Variants in UNC93A observed in about 807,000 individuals in gnomAD.
The protein encoded by UNC93A is N-acetylglucosamine transporter UNC93A.
A neutral mutation model predicts 47.5 loss-of-function variants in UNC93A; 43 were observed. That is an observed-to-expected ratio of 0.91 (90% CI 0.71 to 1.17). The LOEUF is 1.17. UNC93A is among the 50% of genes most tolerant of loss of function. UNC93A has a pLI of 0.00. For missense variants in UNC93A, 605 were observed against 577.6 expected, an observed-to-expected ratio of 1.05 and a Z score of -0.49; for synonymous variants, 280 against 258.0, an observed-to-expected ratio of 1.09 and a Z score of -0.82.
At chr6:167,304,264 C>T in intron 5 of UNC93A, 131 bp downstream of exon 5, 1 of 943,640 alleles carries the variant, frequency 1.1e-6, no homozygotes, top group Non-Finnish European at 1.6e-6. Context: ...GAGCGGGGTC[C>T]TATGCTCCCA....
At chr6:167,280,164 T>A (rs947451317) in intron 1 of UNC93A, among the ~76,000 whole-genome samples, 3 of 152,132 alleles carry the variant, frequency 2.0e-5, no homozygotes, top group African/African-American at 4.8e-5. Context: ...ACTGTACATT[T>A]GATACTCAAA....
intron 1 of UNC93A, among the ~76,000 whole-genome samples, chr6:167,277,613 G>GTC (rs1166500259): frequency 2.6e-5 from 4 of 151,790 alleles, no homozygotes; most frequent in Admixed American, 6.6e-5. Flanking sequence ...GGCTATCTCT[G>GTC]TCTCTCTCTC....
intron 7 of UNC93A, 119 bp from the exon 8 acceptor site, chr6:167,315,068 A>C (rs1778654320): frequency 1.4e-6 from 2 of 1,447,446 alleles, no homozygotes; most frequent in Non-Finnish European, 1.9e-6. Context: ...TGTTGTGAAA[A>C]AAGAAAAATG....
chr6:167,279,090 C>A (rs1583060585), intron 1 of UNC93A, among the ~76,000 whole-genome samples: 1 of 152,218 alleles, frequency 6.6e-6, no homozygotes, highest in South Asian at 2.1e-4. Context: ...CCTTTTCCTG[C>A]AGAGTGGTAC....
At chr6:167,286,540 G>A (rs535123598), upstream of UNC93A, among the ~76,000 whole-genome samples, 62 of 152,332 alleles carry the variant, frequency 4.1e-4, 3 homozygotes, top group South Asian at 0.013. Flanking sequence ...TATCTCGCTT[G>A]GGGACAAAGT....
At position 167,296,898 on chromosome 6, in the gene UNC93A, T is replaced by A. The variant is rs1778105900; in HGVS notation, c.499+637T>A. ...GGGGTAAAAACCAATCCAGCCCTCC[T>A]GACTAGTATCACAACTATTTCTATC... On this transcript the variant is annotated intron_variant, in intron 3 of 7. Coordinates refer to ENST00000230256, the MANE Select transcript of UNC93A (RefSeq NM_018974.4). 1.3e-5 allele frequency among the ~76,000 whole-genome samples: 2 copies of A among 152,216 alleles called. 1 individual carries two copies. Among genetic ancestry groups the A allele is most frequent in the South Asian group, 4.1e-4 (2 of 4,828 alleles).
At chr6:167,300,381 A>G (rs1387468389) in intron 4 of UNC93A, among the ~76,000 whole-genome samples, 2 of 152,148 alleles carry the variant, frequency 1.3e-5, no homozygotes, top group Non-Finnish European at 2.9e-5. Context: ...AAACCAAACC[A>G]GGGTCTTGGA....
At chr6:167,283,417 C>T (rs1246784025) in intron 1 of UNC93A, among the ~76,000 whole-genome samples, 1 of 152,114 alleles carries the variant, frequency 6.6e-6, no homozygotes, top group Admixed American at 6.5e-5. Context: ...CTTGCCTTCC[C>T]ATCGTGGCCT....
At chr6:167,286,699 C>T (rs1783739752), upstream of UNC93A, among the ~76,000 whole-genome samples, 1 of 152,022 alleles carries the variant, frequency 6.6e-6, no homozygotes, top group African/African-American at 2.4e-5. Context: ...AAGCATCAGC[C>T]GGGTGCTGTG....
intron 7 of UNC93A, among the ~76,000 whole-genome samples, chr6:167,310,404 C>T (rs1778525477): frequency 6.6e-6 from 1 of 152,300 alleles, no homozygotes; most frequent in African/African-American, 2.4e-5. Context: ...TATATGGACA[C>T]ATGATACTCT....
chr6:167,272,861 T>C (rs1783471576), intron 1 of UNC93A, among the ~76,000 whole-genome samples: 2 of 152,144 alleles, frequency 1.3e-5, no homozygotes, highest in Admixed American at 1.3e-4. Context: ...AGATGTTTCT[T>C]ATCAGAGGTA....
upstream of UNC93A, among the ~76,000 whole-genome samples, chr6:167,287,718 T>TGTGTGTGCATGC (rs760289765): frequency 1.3e-5 from 2 of 151,108 alleles, no homozygotes; most frequent in Non-Finnish European, 3.0e-5. Context: ...TGCATATGTG[T>TGTGTGTGCATGC]GTGTGTGCAT....
chr6:167,276,914 C>T (rs1054558476), intron 1 of UNC93A, among the ~76,000 whole-genome samples: 1 of 152,226 alleles, frequency 6.6e-6, no homozygotes, highest in Non-Finnish European at 1.5e-5. Context: ...CCGGGGTGTA[C>T]CTGCAGCCCA....
upstream of UNC93A, among the ~76,000 whole-genome samples, chr6:167,287,547 G>A (rs6915311): frequency 0.019 from 2,908 of 152,258 alleles, 105 homozygotes; most frequent in African/African-American, 0.067. Context: ...TGGTACCCCA[G>A]TACATTAGGA....
chr6:167,296,036 A>C lies in UNC93A; in HGVS notation c.274A>C (p.Thr92Pro). The C allele has an allele frequency of 6.2e-7, 1 of 1,613,982 alleles. No homozygotes were observed. The highest frequency in any genetic ancestry group is 8.5e-7 in the Non-Finnish European group (1 of 1,179,920). Reference sequence around the variant, plus strand: ...GGGTCTGCATTTTACCCACAGGTACACTTTGATCCCCACCTCCATACTGCT... The same window carrying C: ...GGGTCTGCATTTTACCCACAGGTACCCTTTGATCCCCACCTCCATACTGCT... ...SVGNFFASWY[T>P]LIPTSILLGL... is the part of the protein sequence containing the mutation. The change falls in exon 3 of 8, where the codon ACT (threonine) becomes CCT (proline). Residue 92 changes from threonine (T) to proline (P), a missense_variant. Physicochemically the swap from Thr to Pro is conservative, Grantham distance 38 (BLOSUM62 -1). Coordinates refer to ENST00000230256, the MANE Select transcript of UNC93A (RefSeq NM_018974.4).
chr6:167,280,277 C>G (rs1188425134), intron 1 of UNC93A, among the ~76,000 whole-genome samples: 1 of 152,094 alleles, frequency 6.6e-6, no homozygotes, highest in Non-Finnish European at 1.5e-5. Context: ...GCCTTCAAAT[C>G]CTTTGTAGAG....
intron 1 of UNC93A, among the ~76,000 whole-genome samples, chr6:167,275,970 T>A (rs533478755): frequency 6.6e-6 from 1 of 151,974 alleles, no homozygotes; most frequent in Non-Finnish European, 1.5e-5. Context: ...ATCACACATC[T>A]CTCCCTACCC....
In UNC93A at chr6:167,281,601, C is replaced by A. The variant is rs555633410; in HGVS notation, c.-51-9838C>A. ...CACAAAACGCCCATAAATTGTGTAT[C>A]TTTTTACAACGTAGCCTGTGTGTGG... On this transcript the variant is annotated intron_variant, in intron 1 of 3. Transcript: ENST00000503433. Among the ~76,000 whole-genome samples the A allele has an allele frequency of 3.3e-5, 5 of 152,212 alleles. No individual in the cohort carries two copies. In the East Asian group the frequency reaches 7.7e-4, roughly 24 times the overall value.
chr6:167,272,200 A>G (rs2092091), intron 1 of UNC93A, among the ~76,000 whole-genome samples: 55,609 of 152,082 alleles, frequency 0.37, 10,408 homozygotes, highest in South Asian at 0.42. Flanking sequence ...CTCTTTACTT[A>G]CCTTGAACTC....
Sources: gnomAD v4.1 joint callset for allele counts (sites outside exome capture counted in the v4.1 genomes callset) on GRCh38, gnomAD v4.1.1 for gene constraint, MANE v1.5 for transcripts, NCBI Gene and HGNC (gene_info 2026-07-23, HGNC 2026-07-21) for gene names.